Variants in VPS13B observed in about 807,000 individuals in gnomAD.
VPS13B encodes the protein intermembrane lipid transfer protein VPS13B.
VPS13B carries 285 observed loss-of-function variants against 426.4 expected under a neutral mutation model. The ratio of observed to expected loss-of-function variants is 0.67; its 90% CI spans 0.61 to 0.74. VPS13B has a LOEUF of 0.74. VPS13B is among the 30% of genes least tolerant of loss of function. VPS13B has a pLI of 0.00. For missense variants in VPS13B, 4,537 were observed against 4,782.6 expected, an observed-to-expected ratio of 0.95 and a Z score of 1.51; for synonymous variants, 1,676 against 1,676.4, an observed-to-expected ratio of 1.00 and a Z score of 0.01.
intron 30 of VPS13B, among the ~76,000 whole-genome samples, chr8:99,524,541 CA>C (rs1822545120): frequency 6.6e-6 from 1 of 152,122 alleles, no homozygotes; most frequent in African/African-American, 2.4e-5. Context: ...CCTGGGATCC[CA>C]ACCCTTTGGA....
chr8:99,118,393 G>T (rs1374928541), intron 7 of VPS13B, among the ~76,000 whole-genome samples: 1 of 152,032 alleles, frequency 6.6e-6, no homozygotes, highest in Non-Finnish European at 1.5e-5. Flanking sequence ...TAAGTGGTGG[G>T]TCTTTTTATT....
rs748544610 is a variant in VPS13B, at chr8:99,274,185, T to A, written c.2516-13T>A. ...TTCAATCGGCTAGTACATTTGCAGT[T>A]TTCTTTTATTAGGTGTGAAATCTAA... On this transcript the variant is annotated splice_polypyrimidine_tract_variant and intron_variant, in intron 17 of 61. Coordinates refer to ENST00000357162, the MANE Select transcript of VPS13B (RefSeq NM_152564.5). 2.5e-6 allele frequency: 4 copies of A among 1,614,084 alleles called. No homozygotes were observed. The East Asian group carries it at 8.9e-5, about 36-fold the overall frequency.
At chr8:99,123,653 G>A (rs1563554282) in intron 8 of VPS13B, among the ~76,000 whole-genome samples, 1 of 152,108 alleles carries the variant, frequency 6.6e-6, no homozygotes, top group Non-Finnish European at 1.5e-5. Flanking sequence ...CTTGGACTAG[G>A]GTGATAGCAA....
At chr8:99,614,741 A>C (rs1388157031) in intron 33 of VPS13B, among the ~76,000 whole-genome samples, 1 of 152,172 alleles carries the variant, frequency 6.6e-6, no homozygotes, top group Admixed American at 6.5e-5. Flanking sequence ...ATTTGGATTA[A>C]ATAAACTTCT....
chr8:99,199,824 G>C (rs1160928337), intron 17 of VPS13B, among the ~76,000 whole-genome samples: 1 of 151,698 alleles, frequency 6.6e-6, no homozygotes, highest in Non-Finnish European at 1.5e-5. Flanking sequence ...TTCCATGTCA[G>C]AAATATTTTA....
At chr8:99,828,787 A>T (rs561195446) in intron 51 of VPS13B, among the ~76,000 whole-genome samples, 1 of 152,278 alleles carries the variant, frequency 6.6e-6, no homozygotes, top group East Asian at 1.9e-4. Flanking sequence ...CTTGTAAGGC[A>T]GACCTGGTGG....
At chr8:99,748,621 G>A (rs1810213780) in intron 39 of VPS13B, among the ~76,000 whole-genome samples, 1 of 151,988 alleles carries the variant, frequency 6.6e-6, no homozygotes, top group African/African-American at 2.4e-5. Context: ...AGAAGAACAT[G>A]ATCAATGTCA....
chr8:99,156,584 G>C lies in VPS13B; in HGVS notation c.2049G>C (p.Gln683His). ...ACTTCATGAATACTACAAACTTCCA[G>C]TCTCTTCGGCCTTTGCCATCCATTC... is the stretch of plus-strand genomic sequence containing the variant. ...SSNFMNTTNF[Q>H]SLRPLPSIRI... The change falls in exon 15 of 62, where the codon CAG becomes CAC. Residue 683 changes from glutamine to histidine, a missense_variant. Physicochemically the swap from Gln to His is conservative, Grantham distance 24 (BLOSUM62 0). This residue lies in a region of VPS13B where 4,311 missense variants were observed against 4,474.3 expected (regional missense o/e 0.96). Coordinates refer to ENST00000357162, the MANE Select transcript of VPS13B (RefSeq NM_152564.5). 6.2e-7 allele frequency: 1 copy of C among 1,614,032 alleles called. No homozygotes were observed. Among genetic ancestry groups the C allele is most frequent in the Non-Finnish European group, 8.5e-7 (1 of 1,179,912 alleles).
In VPS13B at chr8:99,635,489, T is replaced by C. The variant is rs1211982406; in HGVS notation, c.5221-6322T>C. Among the ~76,000 whole-genome samples the C allele has an allele frequency of 2.6e-5, 4 of 152,014 alleles. No homozygotes were observed. In the East Asian group the frequency reaches 7.7e-4, roughly 29 times the overall value. On this transcript the variant is annotated intron_variant, in intron 33 of 61. Coordinates refer to ENST00000357162, the MANE Select transcript of VPS13B (RefSeq NM_152564.5). Reference sequence around the variant, plus strand: ...AGTTAGAAGAAATTTTGGATATGCATATGTTTGGTATATAGTAAGTTTTCT... The same window carrying C: ...AGTTAGAAGAAATTTTGGATATGCACATGTTTGGTATATAGTAAGTTTTCT...
At chr8:99,589,453 G>T (rs1008072491) in intron 33 of VPS13B, among the ~76,000 whole-genome samples, 2 of 151,616 alleles carry the variant, frequency 1.3e-5, no homozygotes, top group Admixed American at 1.3e-4. Context: ...AGAACATGCG[G>T]TGTTTGGTTT....
At chr8:99,315,113 T>C (rs573641770) in intron 19 of VPS13B, among the ~76,000 whole-genome samples, 1 of 152,316 alleles carries the variant, frequency 6.6e-6, no homozygotes, top group African/African-American at 2.4e-5. Flanking sequence ...TCAAGGTTTT[T>C]AAAAATTTAT....
At chr8:99,452,008 C>G (rs1441848260) in intron 23 of VPS13B, among the ~76,000 whole-genome samples, 3 of 152,088 alleles carry the variant, frequency 2.0e-5, no homozygotes, top group African/African-American at 7.2e-5. Flanking sequence ...GTTATTTTTG[C>G]GTGCAATCCT....
At chr8:99,489,579 T>G (rs1024064044) in intron 25 of VPS13B, among the ~76,000 whole-genome samples, 2 of 152,204 alleles carry the variant, frequency 1.3e-5, no homozygotes, top group African/African-American at 4.8e-5. Flanking sequence ...TTTATTTTGT[T>G]GAGCAGTGGT....
intron 36 of VPS13B, among the ~76,000 whole-genome samples, chr8:99,712,905 G>T (rs191252763): frequency 6.6e-6 from 1 of 151,830 alleles, no homozygotes; most frequent in Admixed American, 6.6e-5. Flanking sequence ...ATTGTATAAC[G>T]TTGGGGGGGT....
chr8:99,398,973 G>A (rs955349688), intron 21 of VPS13B, among the ~76,000 whole-genome samples: 29 of 151,932 alleles, frequency 1.9e-4, no homozygotes, highest in African/African-American at 6.0e-4. Flanking sequence ...GATGGTTAGC[G>A]GGCCCTAAAA....
At chr8:99,305,318 A>C (rs1018122741) in intron 19 of VPS13B, among the ~76,000 whole-genome samples, 1 of 152,186 alleles carries the variant, frequency 6.6e-6, no homozygotes, top group African/African-American at 2.4e-5. Context: ...AGTAAAAATA[A>C]TACAAATAAA....
At chr8:99,297,851 C>T (rs2133063174) in intron 19 of VPS13B, among the ~76,000 whole-genome samples, 1 of 152,306 alleles carries the variant, frequency 6.6e-6, no homozygotes, top group South Asian at 2.1e-4. Context: ...TTTTCTTCCT[C>T]ATTTTAAGTG....
At chr8:99,149,012 C>G (rs1221993549) in intron 14 of VPS13B, among the ~76,000 whole-genome samples, 2 of 152,232 alleles carry the variant, frequency 1.3e-5, no homozygotes, top group African/African-American at 4.8e-5. Context: ...CACAAGACCA[C>G]ATATGATCCT....
At chr8:99,749,711 A>G (rs1588681046) in intron 39 of VPS13B, among the ~76,000 whole-genome samples, 1 of 152,256 alleles carries the variant, frequency 6.6e-6, no homozygotes, top group African/African-American at 2.4e-5. Context: ...ATTAGAGTAC[A>G]GATATCTTTT....
Sources: gnomAD v4.1 joint callset for allele counts (sites outside exome capture counted in the v4.1 genomes callset) on GRCh38, gnomAD v4.1.1 for gene constraint, gnomAD v4.1.1 regional missense constraint, MANE v1.5 for transcripts, NCBI Gene and HGNC (gene_info 2026-07-23, HGNC 2026-07-21) for gene names.